TBC1D19: variants seen among roughly 807,000 people sequenced by gnomAD.
TBC1D19 encodes the protein TBC1 domain family member 19, also known as TBC1 domain family, member 19.
Under a neutral mutation model 89.0 loss-of-function variants are expected in TBC1D19, and 60 were observed. That is an observed-to-expected ratio of 0.67 (90% CI 0.55 to 0.84). TBC1D19 has a LOEUF of 0.84. TBC1D19 is among the 40% of genes least tolerant of loss of function. TBC1D19 has a pLI of 0.00. For synonymous variants in TBC1D19, 189 were observed against 199.7 expected, an observed-to-expected ratio of 0.95 and a Z score of 0.45; for missense variants, 500 against 610.8, an observed-to-expected ratio of 0.82 and a Z score of 1.91.
the TBC1D19 span, among the ~76,000 whole-genome samples, chr4:26,766,490 T>A: frequency 6.6e-6 from 1 of 152,164 alleles, no homozygotes; most frequent in Non-Finnish European, 1.5e-5. Context: ...ACCTTCCAGA[T>A]TCTCAGGTCT....
rs201176286 is a variant in TBC1D19 at position 26,622,235 on chromosome 4, A to T, written c.294+1547A>T. On this transcript the variant is annotated intron_variant, in intron 4 of 20. Transcript: ENST00000264866. The stretch of plus-strand genomic sequence containing the variant: ...GTTGTACACATGTACCCTAAAACTT[A>T]AAGTATAATAATAATAATAATAAAG... Among the ~76,000 whole-genome samples the T allele has an allele frequency of 1.3e-4, 8 of 60,824 alleles. 1 individual carries two copies. In the South Asian group the frequency reaches 4.4e-3, roughly 34 times the overall value. 39.9% of individuals were successfully genotyped at this position (60,824 alleles called of 152,430 possible).
chr4:26,642,018 C>T (rs1367542292), intron 7 of TBC1D19, among the ~76,000 whole-genome samples: 1 of 152,142 alleles, frequency 6.6e-6, no homozygotes, highest in South Asian at 2.1e-4. Flanking sequence ...AGGATATTAT[C>T]CAGGAGAACT....
At chr4:26,840,523 G>T in the TBC1D19 span, among the ~76,000 whole-genome samples, 3 of 152,252 alleles carry the variant, frequency 2.0e-5, no homozygotes, top group Non-Finnish European at 4.4e-5. Context: ...TATAGGTTCT[G>T]CCTATTTGTT....
the TBC1D19 span, among the ~76,000 whole-genome samples, chr4:26,804,101 A>G: frequency 6.6e-6 from 1 of 151,858 alleles, no homozygotes; most frequent in Non-Finnish European, 1.5e-5. Context: ...ACAAAAAAAA[A>G]AAGCCGCTGA....
At position 26,590,796 on chromosome 4, in the gene TBC1D19, GTTTTTTTTTTT is replaced by G. The variant is rs869124166; in HGVS notation, c.99+6525_99+6535del. Among the ~76,000 whole-genome samples the G allele has an allele frequency of 1.5e-3, 77 of 52,960 alleles. No homozygotes were observed. The South Asian group carries it at 0.019, about 13-fold the overall frequency. 34.7% of individuals were successfully genotyped at this position (52,960 alleles called of 152,430 possible). On this transcript the variant is annotated intron_variant, in intron 1 of 20. Coordinates refer to ENST00000264866, the MANE Select transcript of TBC1D19 (RefSeq NM_018317.4). ...GGTTCACTCTTTGTCTTGCAGGTCT[GTTTTTTTTTTT>G]TTTTTTTTTTTTTTTTTTTTGTGAG... is the stretch of plus-strand genomic sequence containing the variant.
chr4:26,724,025 G>A (rs1203627842), intron 15 of TBC1D19, among the ~76,000 whole-genome samples: 1 of 152,192 alleles, frequency 6.6e-6, no homozygotes, highest in Non-Finnish European at 1.5e-5. Context: ...GGTGGAATAT[G>A]AACAGAGACA....
chr4:26,657,538 G>T (rs546008498), intron 7 of TBC1D19, among the ~76,000 whole-genome samples: 39 of 152,212 alleles, frequency 2.6e-4, no homozygotes, highest in African/African-American at 9.4e-4. Flanking sequence ...TGGTGCCTCA[G>T]TAAACATACA....
intron 18 of TBC1D19, among the ~76,000 whole-genome samples, chr4:26,747,091 A>T (rs1054286957): frequency 7.2e-5 from 11 of 152,208 alleles, no homozygotes; most frequent in African/African-American, 2.4e-4. Flanking sequence ...ACTGTTGGTG[A>T]CCACAGTTGG....
the TBC1D19 span, among the ~76,000 whole-genome samples, chr4:26,785,471 G>A: frequency 6.6e-6 from 1 of 152,172 alleles, no homozygotes; most frequent in Non-Finnish European, 1.5e-5. Context: ...AGTGACACAA[G>A]TTAACTATTA....
At chr4:26,784,519 T>C in the TBC1D19 span, among the ~76,000 whole-genome samples, 41 of 152,344 alleles carry the variant, frequency 2.7e-4, no homozygotes, top group Admixed American at 1.2e-3. Flanking sequence ...CTCACCTTGC[T>C]TCTTCAGGCT....
In TBC1D19 at chr4:26,755,054, A is replaced by G. The variant is rs770731180; in HGVS notation, c.*107A>G. On this transcript the variant is annotated 3_prime_UTR_variant, in exon 21 of 21. Coordinates refer to ENST00000264866, the MANE Select transcript of TBC1D19 (RefSeq NM_018317.4). ...AATGAAACTTTGCATATAAGCCAAT[A>G]AAGATCATGTTCCCTCTTCAGTTAA... 2.0e-5 allele frequency: 20 copies of G among 976,688 alleles called. No individual in the cohort carries two copies. Among genetic ancestry groups the G allele is most frequent in the Non-Finnish European group, 2.8e-5 (19 of 673,294 alleles). 60.5% of individuals were successfully genotyped at this position (976,688 alleles called of 1,614,324 possible). A position where few individuals can be genotyped will look rare whatever the true frequency, so the allele number is the denominator to read the frequency against.
chr4:26,817,981 A>AATATATATATATATAT, the TBC1D19 span, among the ~76,000 whole-genome samples: 5 of 126,076 alleles, frequency 4.0e-5, no homozygotes, highest in African/African-American at 1.8e-4. Flanking sequence ...AAAAAAAAAA[A>AATATATATATATATAT]ATATATATAT....
downstream of TBC1D19, among the ~76,000 whole-genome samples, chr4:26,760,452 GCT>G (rs1277357453): frequency 1.3e-5 from 2 of 152,034 alleles, no homozygotes; most frequent in Non-Finnish European, 1.5e-5. Context: ...TGTAGTTTCA[GCT>G]ACTGGTGGGA....
intron 1 of TBC1D19, 58 bp downstream of exon 1, chr4:26,584,350 C>A: frequency 6.7e-7 from 1 of 1,497,970 alleles, no homozygotes; most frequent in Non-Finnish European, 9.1e-7. Context: ...GATGTCTCTT[C>A]TTCACCCTCC....
chr4:26,587,154 T>C (rs1190827509), intron 1 of TBC1D19, among the ~76,000 whole-genome samples: 1 of 152,252 alleles, frequency 6.6e-6, no homozygotes, highest in Non-Finnish European at 1.5e-5. Flanking sequence ...CTGATTGGCT[T>C]TGAATGTTGC....
rs576927158 is a variant in TBC1D19, at chr4:26,724,018, G to A, written c.1084+3893G>A. 7.2e-5 allele frequency among the ~76,000 whole-genome samples: 11 copies of A among 152,308 alleles called. No individual in the cohort carries two copies. The South Asian group carries it at 2.3e-3, about 32-fold the overall frequency. ...TCAGGAAAGGTGCCTCTGAGGAGGT[G>A]GAATATGAACAGAGACAGACTATAT... On this transcript the variant is annotated intron_variant, in intron 15 of 20. Transcript: ENST00000264866.
At chr4:26,757,790 A>G (rs999078129), downstream of TBC1D19, among the ~76,000 whole-genome samples, 1 of 152,168 alleles carries the variant, frequency 6.6e-6, no homozygotes, top group African/African-American at 2.4e-5. Context: ...TCTTGCATTA[A>G]GAAGTGTCTA....
the TBC1D19 span, among the ~76,000 whole-genome samples, chr4:26,854,595 C>T: frequency 6.6e-6 from 1 of 152,196 alleles, no homozygotes; most frequent in African/African-American, 2.4e-5. Context: ...TTCCTTGGAG[C>T]GTGACTTGTT....
At chr4:26,729,760 G>T (rs958203126) in intron 15 of TBC1D19, among the ~76,000 whole-genome samples, 1 of 152,110 alleles carries the variant, frequency 6.6e-6, no homozygotes, top group African/African-American at 2.4e-5. Context: ...CCAGATCAAA[G>T]GTCTTGAATT....
Sources: allele counts gnomAD v4.1 joint callset (sites outside exome capture counted in the v4.1 genomes callset), GRCh38; gene constraint gnomAD v4.1.1; transcripts MANE v1.5; gene names NCBI Gene and HGNC (gene_info 2026-07-23, HGNC 2026-07-21).